VPS41: variants seen among roughly 807,000 people sequenced by gnomAD.
The protein encoded by VPS41 is VPS41 subunit of HOPS complex.
In VPS41, 85 loss-of-function variants were observed where a neutral mutation model predicts 130.9. That is an observed-to-expected ratio of 0.65 (90% CI 0.55 to 0.78). VPS41 has a LOEUF of 0.78. Among genes scored for constraint, VPS41 ranks in the 30% least tolerant of loss-of-function variants. The pLI, the probability that VPS41 is intolerant of heterozygous loss-of-function variation, is 0.00. For missense variants in VPS41, 874 were observed against 1,018.7 expected (o/e 0.86, Z 1.93); for synonymous variants, 335 against 332.9 (o/e 1.01, Z -0.07).
At chr7:38,832,049 C>A (rs182564889) in intron 4 of VPS41, among the ~76,000 whole-genome samples, 1 of 152,096 alleles carries the variant, frequency 6.6e-6, no homozygotes, top group South Asian at 2.1e-4. Flanking sequence ...ATTCATTTCC[C>A]TGACTACTAA....
At position 38,752,324 on chromosome 7, in the gene VPS41, C is replaced by A. The variant is rs1467148672; in HGVS notation, c.1789-11G>T. 6.2e-7 allele frequency: 1 copy of A among 1,613,222 alleles called. No individual in the cohort carries two copies. Among genetic ancestry groups the A allele is most frequent in the Non-Finnish European group, 8.5e-7 (1 of 1,179,660 alleles). On this transcript the variant is annotated splice_polypyrimidine_tract_variant and intron_variant, in intron 21 of 28. Transcript: ENST00000310301. ...AAGCTTATGCAAATACTAAAAGGAA[C>A]AAAAGATAAGCCGTGACCCATTAAA...
chr7:38,787,839 T>C (rs1239764334), intron 10 of VPS41, among the ~76,000 whole-genome samples: 5 of 152,204 alleles, frequency 3.3e-5, no homozygotes, highest in African/African-American at 1.2e-4. Context: ...CTTATATTCT[T>C]AAAGGTTTAC....
intron 10 of VPS41, among the ~76,000 whole-genome samples, chr7:38,777,643 T>A (rs767078538): frequency 1.3e-5 from 2 of 152,204 alleles, no homozygotes; most frequent in Non-Finnish European, 2.9e-5. Flanking sequence ...CTTCACAGAT[T>A]CATTTGGGAG....
At chr7:38,732,086 A>AG (rs1358648766) in intron 25 of VPS41, among the ~76,000 whole-genome samples, 1 of 152,198 alleles carries the variant, frequency 6.6e-6, no homozygotes, top group Admixed American at 6.5e-5. Flanking sequence ...AAGCCTCATT[A>AG]GGAAAAAACC....
At chr7:38,830,216 G>A (rs1292801062) in intron 5 of VPS41, 38 bp downstream of exon 5, 15 of 1,393,428 alleles carry the variant, frequency 1.1e-5, no homozygotes, top group Admixed American at 5.0e-5. Flanking sequence ...TGGGGCTGGC[G>A]CCACAGAACT....
At chr7:38,879,616 C>T (rs1382282602) in intron 2 of VPS41, among the ~76,000 whole-genome samples, 1 of 152,040 alleles carries the variant, frequency 6.6e-6, no homozygotes, top group Non-Finnish European at 1.5e-5. Context: ...GTGATGGTCT[C>T]GGTTTGGGGA....
intron 1 of VPS41, among the ~76,000 whole-genome samples, chr7:38,905,827 CTT>C (rs1190025251): frequency 2.6e-5 from 4 of 152,136 alleles, no homozygotes; most frequent in Non-Finnish European, 5.9e-5. Context: ...GAGTCTCCCT[CTT>C]GTCACCCAGG....
chr7:38,860,743 G>GTGTGT (rs1190552274), intron 4 of VPS41, among the ~76,000 whole-genome samples: 1 of 131,162 alleles, frequency 7.6e-6, no homozygotes, highest in African/African-American at 2.8e-5. Flanking sequence ...GTGTGTGTGT[G>GTGTGT]GACATACGCA....
intron 2 of VPS41, among the ~76,000 whole-genome samples, chr7:38,878,576 A>G (rs1470030225): frequency 6.6e-6 from 1 of 152,218 alleles, no homozygotes; most frequent in Non-Finnish European, 1.5e-5. Context: ...CAAACCCCGC[A>G]TATATTAATA....
chr7:38,819,258 C>T (rs1485112888), intron 6 of VPS41, among the ~76,000 whole-genome samples: 1 of 152,236 alleles, frequency 6.6e-6, no homozygotes, highest in African/African-American at 2.4e-5. Flanking sequence ...GCCTGTTTCA[C>T]AGGCAGAGGG....
chr7:38,857,120 C>A (rs1255030658), intron 4 of VPS41, among the ~76,000 whole-genome samples: 1 of 152,228 alleles, frequency 6.6e-6, no homozygotes, highest in Non-Finnish European at 1.5e-5. Context: ...GGAATACAGT[C>A]CATTAGTTTA....
intron 10 of VPS41, among the ~76,000 whole-genome samples, chr7:38,783,966 C>T (rs1316571557): frequency 6.6e-6 from 1 of 152,146 alleles, no homozygotes; most frequent in Non-Finnish European, 1.5e-5. Flanking sequence ...AATTATAAAA[C>T]ATTATCAATC....
At chr7:38,878,419 A>T (rs945811277) in intron 2 of VPS41, among the ~76,000 whole-genome samples, 5 of 152,180 alleles carry the variant, frequency 3.3e-5, no homozygotes, top group African/African-American at 9.7e-5. Context: ...CTGCCCCATA[A>T]GAGGCAAATA....
At chr7:38,902,652 C>A (rs1382153169) in intron 1 of VPS41, among the ~76,000 whole-genome samples, 1 of 152,170 alleles carries the variant, frequency 6.6e-6, no homozygotes, top group African/African-American at 2.4e-5. Context: ...CCACCCCCTG[C>A]CTGCCTGAGT....
chr7:38,860,349 A>G (rs1364827201), intron 4 of VPS41, among the ~76,000 whole-genome samples: 1 of 152,170 alleles, frequency 6.6e-6, no homozygotes, highest in Non-Finnish European at 1.5e-5. Context: ...CAAAGATCTC[A>G]AATGATAGCT....
intron 13 of VPS41, among the ~76,000 whole-genome samples, chr7:38,771,950 C>T (rs532809476): frequency 6.6e-6 from 1 of 151,946 alleles, no homozygotes; most frequent in Non-Finnish European, 1.5e-5. Context: ...ACAACAAATA[C>T]GTAGACTATT....
chr7:38,873,260 G>A (rs1017850631), intron 2 of VPS41, among the ~76,000 whole-genome samples: 8 of 151,808 alleles, frequency 5.3e-5, no homozygotes, highest in African/African-American at 1.9e-4. Context: ...TAAGTTAAAA[G>A]TAGGGTAAAG....
At chr7:38,742,325 A>G (rs1795898042) in intron 24 of VPS41, among the ~76,000 whole-genome samples, 1 of 152,226 alleles carries the variant, frequency 6.6e-6, no homozygotes, top group South Asian at 2.1e-4. Flanking sequence ...ACGCTCCTTA[A>G]GACATGAAGG....
At chr7:38,866,233 AAC>A in intron 3 of VPS41, among the ~76,000 whole-genome samples, 1 of 152,334 alleles carries the variant, frequency 6.6e-6, no homozygotes, top group Admixed American at 6.5e-5. Context: ...CCTTAGATAC[AAC>A]ATTAACGAGC....
Sources: gnomAD v4.1 joint callset for allele counts (sites outside exome capture counted in the v4.1 genomes callset) on GRCh38, gnomAD v4.1.1 for gene constraint, MANE v1.5 for transcripts, NCBI Gene and HGNC (gene_info 2026-07-23, HGNC 2026-07-21) for gene names.